The following ZNF407 variants were observed in gnomAD, a reference collection of about 807,000 sequenced individuals.
ZNF407 encodes zinc finger protein 407.
In ZNF407, 17 loss-of-function variants were observed where a neutral mutation model predicts 131.2. The ratio of observed to expected loss-of-function variants is 0.13; its 90% CI spans 0.09 to 0.19. ZNF407 has a LOEUF of 0.19. ZNF407 is among the 10% of genes least tolerant of loss of function. The pLI is 1.00. For missense variants in ZNF407, 2,681 were observed against 2,830.6 expected, an observed-to-expected ratio of 0.95 and a Z score of 1.20; for synonymous variants, 1,156 against 1,062.0, an observed-to-expected ratio of 1.09 and a Z score of -1.72.
chr18:74,936,427 C>T (rs1167250370), intron 8 of ZNF407, among the ~76,000 whole-genome samples: 2 of 152,146 alleles, frequency 1.3e-5, no homozygotes, highest in African/African-American at 4.8e-5. Flanking sequence ...TTTATGCAGA[C>T]GTTTTATCTG....
At chr18:74,924,865 C>T (rs1393119901) in intron 8 of ZNF407, among the ~76,000 whole-genome samples, 1 of 152,048 alleles carries the variant, frequency 6.6e-6, no homozygotes, top group Non-Finnish European at 1.5e-5. Context: ...GCTCAAGGAG[C>T]TTGTTTATTA....
chr18:74,892,165 A>G (rs746343317), intron 7 of ZNF407, among the ~76,000 whole-genome samples: 2 of 152,156 alleles, frequency 1.3e-5, no homozygotes, highest in Admixed American at 6.5e-5. Context: ...ACAAGCCACA[A>G]GTTTTTAAAT....
intron 1 of ZNF407, among the ~76,000 whole-genome samples, chr18:74,617,119 C>T (rs1983343440): frequency 2.6e-5 from 4 of 151,086 alleles, no homozygotes; most frequent in African/African-American, 7.3e-5. Context: ...CCACACACCA[C>T]ACACATCCAT....
chr18:74,767,103 G>T (rs1452595175), intron 3 of ZNF407, among the ~76,000 whole-genome samples: 1 of 152,118 alleles, frequency 6.6e-6, no homozygotes, highest in East Asian at 1.9e-4. Flanking sequence ...GTAGAGACAG[G>T]GTTTTGCCAT....
At chr18:75,042,928 A>G (rs993558137) in intron 8 of ZNF407, among the ~76,000 whole-genome samples, 1 of 152,038 alleles carries the variant, frequency 6.6e-6, no homozygotes, top group African/African-American at 2.4e-5. Flanking sequence ...GTGTACCAGT[A>G]TGTTTGCCTG....
chr18:74,748,790 G>A (rs1968730074), intron 3 of ZNF407, among the ~76,000 whole-genome samples: 1 of 152,160 alleles, frequency 6.6e-6, no homozygotes, highest in Non-Finnish European at 1.5e-5. Context: ...TTTCATGGCA[G>A]TTTTACCTGT....
At chr18:74,713,486 T>C (rs1034501497) in intron 3 of ZNF407, among the ~76,000 whole-genome samples, 2 of 151,928 alleles carry the variant, frequency 1.3e-5, no homozygotes, top group African/African-American at 4.8e-5. Flanking sequence ...AAAAAATAGA[T>C]TTTAAATAAT....
At chr18:74,716,848 A>G (rs575431868) in intron 3 of ZNF407, among the ~76,000 whole-genome samples, 4 of 152,324 alleles carry the variant, frequency 2.6e-5, no homozygotes, top group African/African-American at 9.6e-5. Flanking sequence ...TCGCATTTTA[A>G]AATGAGCATT....
chr18:74,854,103 C>T (rs538445608), intron 4 of ZNF407, among the ~76,000 whole-genome samples: 43 of 152,170 alleles, frequency 2.8e-4, no homozygotes, highest in African/African-American at 9.2e-4. Flanking sequence ...ACAGGGTCAG[C>T]GTGAGGGGTT....
intron 7 of ZNF407, chr18:74,898,446 A>G (rs770401767): frequency 6.6e-6 from 1 of 152,300 alleles, no homozygotes; most frequent in Admixed American, 6.5e-5. Flanking sequence ...ACAATGTTGC[A>G]CTGTTGCCAG....
At chr18:74,710,059 A>G (rs1967721309) in intron 3 of ZNF407, among the ~76,000 whole-genome samples, 1 of 152,332 alleles carries the variant, frequency 6.6e-6, no homozygotes, top group East Asian at 1.9e-4. Flanking sequence ...TCATGTAAAT[A>G]CACTAAACAT....
intron 8 of ZNF407, among the ~76,000 whole-genome samples, chr18:74,957,294 C>T (rs1235762383): frequency 6.6e-6 from 1 of 152,132 alleles, no homozygotes; most frequent in Admixed American, 6.5e-5. Context: ...TCAGCCCACG[C>T]CCCTCAGCCA....
At chr18:74,933,728 G>A (rs1972008904) in intron 8 of ZNF407, among the ~76,000 whole-genome samples, 1 of 152,202 alleles carries the variant, frequency 6.6e-6, no homozygotes, top group African/African-American at 2.4e-5. Context: ...AAGTGGGGAA[G>A]AGTGAATACA....
intron 3 of ZNF407, among the ~76,000 whole-genome samples, chr18:74,775,978 A>G (rs1189603750): frequency 6.6e-6 from 1 of 152,180 alleles, no homozygotes; most frequent in Non-Finnish European, 1.5e-5. Flanking sequence ...CTCCGTGACC[A>G]ATCACCACCC....
At chr18:74,939,071 A>G (rs1390124176) in intron 8 of ZNF407, among the ~76,000 whole-genome samples, 1 of 152,246 alleles carries the variant, frequency 6.6e-6, no homozygotes, top group Non-Finnish European at 1.5e-5. Context: ...AGAGAGGGTA[A>G]TAAAGTATCT....
chr18:74,764,389 CAT>C (rs554338251), intron 3 of ZNF407, among the ~76,000 whole-genome samples: 185 of 152,214 alleles, frequency 1.2e-3, no homozygotes, highest in African/African-American at 4.0e-3. Flanking sequence ...TTTTTTATCT[CAT>C]GTGTTTTATT....
chr18:74,896,621 G>A (rs555922174), intron 7 of ZNF407, among the ~76,000 whole-genome samples: 3 of 152,254 alleles, frequency 2.0e-5, no homozygotes, highest in Admixed American at 6.5e-5. Flanking sequence ...GCTGGTTTGC[G>A]AAACTGTTTT....
chr18:74,623,762 TTTG>T (rs1983667944), intron 1 of ZNF407, among the ~76,000 whole-genome samples: 1 of 152,206 alleles, frequency 6.6e-6, no homozygotes, highest in Non-Finnish European at 1.5e-5. Flanking sequence ...GAGCATGGAC[TTTG>T]TTTTGTGACA....
At chr18:74,863,212 C>T (rs1457039028) in intron 4 of ZNF407, among the ~76,000 whole-genome samples, 1 of 151,704 alleles carries the variant, frequency 6.6e-6, no homozygotes, top group Non-Finnish European at 1.5e-5. Context: ...TGAGCCACCG[C>T]ACCCGGCTCA....
Sources: gnomAD v4.1 joint callset for allele counts (sites outside exome capture counted in the v4.1 genomes callset) on GRCh38, gnomAD v4.1.1 for gene constraint, MANE v1.5 for transcripts, NCBI Gene and HGNC (gene_info 2026-07-23, HGNC 2026-07-21) for gene names.